POU2F1: variants seen among roughly 807,000 people sequenced by gnomAD.
POU2F1 encodes the protein POU domain, class 2, transcription factor 1.
A neutral mutation model predicts 84.9 loss-of-function variants in POU2F1; 16 were observed. That is an observed-to-expected ratio of 0.19 (90% confidence interval 0.13 to 0.29). POU2F1 has a LOEUF of 0.29. POU2F1 is among the 10% of genes least tolerant of loss of function. The pLI is 1.00. For missense variants in POU2F1, 738 were observed against 942.6 expected, an observed-to-expected ratio of 0.78 and a Z score of 2.84; for synonymous variants, 368 against 368.3, an observed-to-expected ratio of 1.00 and a Z score of 0.01.
intron 1 of POU2F1, among the ~76,000 whole-genome samples, chr1:167,251,257 G>A (rs1017301719): frequency 5.3e-5 from 8 of 152,020 alleles, no homozygotes; most frequent in Admixed American, 1.3e-4. Flanking sequence ...GAAATTAGCC[G>A]GTGTGGTAGC....
chr1:167,313,571 G>A (rs1293381797), intron 1 of POU2F1, among the ~76,000 whole-genome samples: 1 of 152,086 alleles, frequency 6.6e-6, no homozygotes, highest in Non-Finnish European at 1.5e-5. Context: ...ATTCAATGGA[G>A]TAAGGACAGT....
At chr1:167,277,708 G>A (rs991511851) in intron 1 of POU2F1, among the ~76,000 whole-genome samples, 1 of 152,040 alleles carries the variant, frequency 6.6e-6, no homozygotes, top group Admixed American at 6.5e-5. Context: ...TATCCCAATG[G>A]CCTCAGTTAC....
At chr1:167,324,755 C>A (rs1656577856) in intron 1 of POU2F1, among the ~76,000 whole-genome samples, 1 of 152,150 alleles carries the variant, frequency 6.6e-6, no homozygotes, top group South Asian at 2.1e-4. Context: ...GATTATCCTT[C>A]AGATTGCTTG....
At position 167,358,716 on chromosome 1, in the gene POU2F1, C is replaced by CTTTTTTT. The variant is rs1197814755; in HGVS notation, c.128-6736_128-6730dup. Among the ~76,000 whole-genome samples the CTTTTTTT allele has an allele frequency of 1.5e-3, 58 of 38,350 alleles. 11 individuals carry two copies. Among genetic ancestry groups the CTTTTTTT allele is most frequent in the African/African-American group, 3.6e-3 (50 of 14,014 alleles). 25.2% of individuals were successfully genotyped at this position (38,350 alleles called of 152,430 possible). ...TTCTTAATCTTTTTATTATCTGCAG[C>CTTTTTTT]TTTTTTTTTTTTTTTTTTTTTGAGA... On this transcript the variant is annotated intron_variant, in intron 2 of 15. Transcript: ENST00000367866.
intron 1 of POU2F1, among the ~76,000 whole-genome samples, chr1:167,233,053 G>T (rs1649181702): frequency 6.6e-6 from 1 of 151,710 alleles, no homozygotes; most frequent in Admixed American, 6.6e-5. Context: ...TCAGGTAAGT[G>T]CCCTCTACAG....
In POU2F1 at chr1:167,422,244, GT is replaced by G. The variant is rs1650694279; in HGVS notation, c.*6436del. 1 of 152,258 alleles carries G rather than the reference GT, an allele frequency of 6.6e-6. No individual in the cohort carries two copies. The highest frequency in any genetic ancestry group is 1.5e-5 in the Non-Finnish European group (1 of 68,056). 9.4% of individuals were successfully genotyped at this position (152,258 alleles called of 1,614,324 possible). The stretch of plus-strand genomic sequence containing the variant: ...GAATGCGTGAATGCCTGGATGTGCA[GT>G]TGAGAAACAGAGGCAGACATAGACA... On this transcript the variant is annotated 3_prime_UTR_variant, in exon 16 of 16. Coordinates refer to ENST00000367866, the MANE Select transcript of POU2F1 (RefSeq NM_002697.4).
chr1:167,402,215 A>G (rs1437079502), intron 13 of POU2F1, among the ~76,000 whole-genome samples: 1 of 152,142 alleles, frequency 6.6e-6, no homozygotes. Flanking sequence ...TTTTTTAGTG[A>G]TACATAGTGC....
chr1:167,331,956 G>C (rs1169278191), intron 1 of POU2F1, among the ~76,000 whole-genome samples: 1 of 152,044 alleles, frequency 6.6e-6, no homozygotes, highest in East Asian at 1.9e-4. Context: ...TAAATTTAGA[G>C]ATAATTTACC....
At chr1:167,259,478 A>G (rs1651387693) in intron 1 of POU2F1, among the ~76,000 whole-genome samples, 1 of 152,318 alleles carries the variant, frequency 6.6e-6, no homozygotes, top group Non-Finnish European at 1.5e-5. Context: ...TTTGATGGAC[A>G]TTTTGACTGT....
At position 167,264,040 on chromosome 1, in the gene POU2F1, G is replaced by T. The variant is rs568968115; in HGVS notation, c.61+43082G>T. ...TGATCTCTGCTCTTTATACCTTATG[G>T]TCTATAGAGACAAATATTAACCACT... is the stretch of plus-strand genomic sequence containing the variant. On this transcript the variant is annotated intron_variant, in intron 1 of 15. Transcript: ENST00000367866. 2.8e-4 allele frequency among the ~76,000 whole-genome samples: 43 copies of T among 152,194 alleles called. No homozygotes were observed. The South Asian group carries it at 8.3e-3, about 29-fold the overall frequency.
rs1051816353 is a variant in POU2F1, at chr1:167,285,579, A to C, written c.62-46891A>C. On this transcript the variant is annotated intron_variant, in intron 1 of 15. Coordinates refer to ENST00000367866, the MANE Select transcript of POU2F1 (RefSeq NM_002697.4). ...CTGCACTCCAGCCTGGGTGACAGAC[A>C]GAGACTCCGTCTCAAAAAAAAAAAA... Among the ~76,000 whole-genome samples the C allele has an allele frequency of 1.1e-4, 17 of 151,930 alleles. 1 individual carries two copies. The highest frequency in any genetic ancestry group is 2.2e-4 in the Non-Finnish European group (15 of 67,922).
intron 1 of POU2F1, among the ~76,000 whole-genome samples, chr1:167,304,694 C>T (rs978505745): frequency 3.3e-5 from 5 of 152,012 alleles, no homozygotes; most frequent in African/African-American, 4.8e-5. Flanking sequence ...AATCTTATCC[C>T]CCTTTAAAAA....
chr1:167,254,860 G>T (rs1409523279), intron 1 of POU2F1, among the ~76,000 whole-genome samples: 1 of 152,112 alleles, frequency 6.6e-6, no homozygotes. Flanking sequence ...ATCATTAATA[G>T]CAATATGTAA....
chr1:167,246,923 C>A (rs781010269), intron 1 of POU2F1, among the ~76,000 whole-genome samples: 1 of 151,872 alleles, frequency 6.6e-6, no homozygotes, highest in Non-Finnish European at 1.5e-5. Flanking sequence ...GACAGTAAAT[C>A]GATTAGTTTA....
In POU2F1 at chr1:167,304,282, G is replaced by A. The variant is rs183374837; in HGVS notation, c.62-28188G>A. On this transcript the variant is annotated intron_variant, in intron 1 of 15. Coordinates refer to ENST00000367866, the MANE Select transcript of POU2F1 (RefSeq NM_002697.4). ...ATTAACCATTAATTAACTGGTATGT[G>A]CCTTTGAAACTTTTGTATGTATTAT... 4.3e-4 allele frequency among the ~76,000 whole-genome samples: 65 copies of A among 152,222 alleles called. 1 individual carries two copies. The East Asian group carries it at 0.012, about 27-fold the overall frequency.
intron 2 of POU2F1, among the ~76,000 whole-genome samples, chr1:167,348,284 T>C (rs1244832665): frequency 6.6e-6 from 1 of 152,186 alleles, no homozygotes; most frequent in African/African-American, 2.4e-5. Flanking sequence ...AAATAGGGTA[T>C]TATAATCATG....
At chr1:167,223,992 A>G (rs1648433603) in intron 1 of POU2F1, among the ~76,000 whole-genome samples, 2 of 152,190 alleles carry the variant, frequency 1.3e-5, no homozygotes, top group South Asian at 2.1e-4. Flanking sequence ...TTTCGGGTCA[A>G]TTTCCTTTAT....
chr1:167,307,193 C>CACCAACTG lies in POU2F1; in HGVS notation c.62-25276_62-25269dup, dbSNP rs1655127318. On this transcript the variant is annotated intron_variant, in intron 1 of 15. Transcript: ENST00000367866. ...TCTTCAAATAATAAGTAAGTGATGA[C>CACCAACTG]ACCAACTGTGTAAAGTTATTCAAAA... Among the ~76,000 whole-genome samples the CACCAACTG allele has an allele frequency of 5.9e-5, 9 of 152,172 alleles. No homozygotes were observed. The South Asian group carries it at 1.9e-3, about 32-fold the overall frequency.
chr1:167,427,239 C>CA lies in POU2F1; in HGVS notation c.*11430dup, dbSNP rs1417938484. ...TGAAGTGGTAGATTTTGTGTAGATG[C>CA]ATTTGTCTGCTGTAATTTTTTATAT... On this transcript the variant is annotated 3_prime_UTR_variant, in exon 16 of 16. Transcript: ENST00000367866. The CA allele has an allele frequency of 6.6e-6, 1 of 151,072 alleles. No individual in the cohort carries two copies. Among genetic ancestry groups the CA allele is most frequent in the African/African-American group, 2.4e-5 (1 of 40,982 alleles). 9.4% of individuals were successfully genotyped at this position (151,072 alleles called of 1,614,324 possible). A position where few individuals can be genotyped will look rare whatever the true frequency, so the allele number is the denominator to read the frequency against.
Sources: allele counts gnomAD v4.1 joint callset (sites outside exome capture counted in the v4.1 genomes callset), GRCh38; gene constraint gnomAD v4.1.1; transcripts MANE v1.5; gene names NCBI Gene and HGNC (gene_info 2026-07-23, HGNC 2026-07-21).